Variants in EBF2 observed in about 807,000 individuals in gnomAD.
EBF2 encodes EBF transcription factor 2.
EBF2 carries 21 observed loss-of-function variants against 72.8 expected under a neutral mutation model. The ratio of observed to expected loss-of-function variants is 0.29; its 90% CI spans 0.20 to 0.42. The LOEUF (loss-of-function observed/expected upper bound fraction) is 0.42, where lower values mean the gene tolerates loss of function less well. Ranked by LOEUF, EBF2 falls within the 10% of genes least tolerant of loss-of-function variation. The probability of loss-of-function intolerance (pLI) is 1.00; values close to 1 mark genes in which losing one functional copy is unlikely to be tolerated. For missense variants in EBF2, 637 were observed against 731.2 expected (o/e 0.87, Z 1.49); for synonymous variants, 299 against 274.2 (o/e 1.09, Z -0.89).
chr8:25,856,250 CTTCA>C (rs1384478909), intron 14 of EBF2, among the ~76,000 whole-genome samples: 5 of 152,142 alleles, frequency 3.3e-5, no homozygotes, highest in African/African-American at 9.7e-5. Context: ...TATGATTCAA[CTTCA>C]TTCATACCTA....
intron 6 of EBF2, among the ~76,000 whole-genome samples, chr8:25,976,335 G>C (rs559360105): frequency 3.1e-4 from 47 of 152,230 alleles, no homozygotes; most frequent in African/African-American, 1.0e-3. Flanking sequence ...TCCAATAGAT[G>C]GTTATTAAGC....
chr8:25,990,312 A>G (rs770440727), intron 6 of EBF2, among the ~76,000 whole-genome samples: 12 of 152,178 alleles, frequency 7.9e-5, no homozygotes, highest in Non-Finnish European at 1.5e-4. Flanking sequence ...TTACATAATA[A>G]TAAGAAAGGT....
intron 10 of EBF2, among the ~76,000 whole-genome samples, chr8:25,866,260 T>C (rs1802312853): frequency 6.6e-6 from 1 of 151,692 alleles, no homozygotes; most frequent in Middle Eastern, 3.4e-3. Flanking sequence ...TTGGATATTC[T>C]TGTTTTTCTC....
At chr8:25,923,102 G>C (rs1803332374) in intron 6 of EBF2, among the ~76,000 whole-genome samples, 1 of 152,198 alleles carries the variant, frequency 6.6e-6, no homozygotes, top group African/African-American at 2.4e-5. Flanking sequence ...GGGTCCGGAA[G>C]CATGGGAAAG....
chr8:25,913,561 C>G (rs924106586), intron 6 of EBF2, among the ~76,000 whole-genome samples: 2 of 152,168 alleles, frequency 1.3e-5, no homozygotes, highest in Admixed American at 6.5e-5. Context: ...ACTCTGAAAA[C>G]TTAGTTCCTT....
intron 6 of EBF2, among the ~76,000 whole-genome samples, chr8:25,949,305 T>A (rs1803819885): frequency 6.6e-6 from 1 of 152,218 alleles, no homozygotes; most frequent in African/African-American, 2.4e-5. Context: ...CGTCATGCTG[T>A]CTTCCCCTTT....
chr8:25,993,108 C>T (rs928871548), intron 6 of EBF2, among the ~76,000 whole-genome samples: 1 of 151,946 alleles, frequency 6.6e-6, no homozygotes, highest in Admixed American at 6.6e-5. Context: ...GTGGAAAATC[C>T]ACTCCCCTGA....
intron 6 of EBF2, among the ~76,000 whole-genome samples, chr8:25,966,109 G>A (rs562147929): frequency 7.3e-4 from 111 of 152,340 alleles, no homozygotes; most frequent in African/African-American, 2.6e-3. Context: ...CCAACTGCAG[G>A]CCAGGCTGGC....
intron 11 of EBF2, 151 bp from the exon 12 acceptor site, chr8:25,861,525 A>G: frequency 1.4e-6 from 1 of 734,340 alleles, no homozygotes; most frequent in Non-Finnish European, 2.3e-6. Flanking sequence ...GACAGGTAGA[A>G]TACAATTGTA....
Position 26,045,016 on chromosome 8 carries a change from CCG to C in EBF2, c.-159_-158del. 1 of 787,666 alleles carries C rather than the reference CCG, an allele frequency of 1.3e-6. No homozygotes were observed. Among genetic ancestry groups the C allele is most frequent in the Non-Finnish European group, 1.9e-6 (1 of 514,770 alleles). The allele number at this position is 787,666 out of a possible 1,614,324, so 48.8% of individuals were successfully genotyped here. A position where few individuals can be genotyped will look rare whatever the true frequency, so the allele number is the denominator to read the frequency against. On this transcript the variant is annotated 5_prime_UTR_variant, in exon 1 of 16. Coordinates refer to ENST00000520164, the MANE Select transcript of EBF2 (RefSeq NM_022659.4). ...GTCTTAGAAAAAAAAAAAAGATAAC[CCG>C]TCCTTTGCTTCACTGGCGAGGTGCG...
intron 6 of EBF2, among the ~76,000 whole-genome samples, chr8:25,952,028 C>T (rs2096564380): frequency 6.6e-6 from 1 of 152,180 alleles, no homozygotes; most frequent in Non-Finnish European, 1.5e-5. Context: ...TACACTGGCT[C>T]ACACCTGTAA....
chr8:26,003,057 G>A (rs748708834), intron 6 of EBF2, among the ~76,000 whole-genome samples: 4 of 152,050 alleles, frequency 2.6e-5, no homozygotes, highest in African/African-American at 9.7e-5. Flanking sequence ...GGATCCCAAG[G>A]AACACAGGAA....
chr8:26,007,307 C>A (rs939773458), intron 6 of EBF2, among the ~76,000 whole-genome samples: 1 of 152,090 alleles, frequency 6.6e-6, no homozygotes, highest in Non-Finnish European at 1.5e-5. Context: ...CTTGAGGGGG[C>A]CCCTGAACAC....
At chr8:26,022,101 T>C (rs1004095366) in intron 6 of EBF2, among the ~76,000 whole-genome samples, 1 of 152,236 alleles carries the variant, frequency 6.6e-6, no homozygotes, top group South Asian at 2.1e-4. Context: ...TTCAGTACAG[T>C]TAGAAGCCTT....
At chr8:25,981,055 A>G (rs917686874) in intron 6 of EBF2, among the ~76,000 whole-genome samples, 1 of 152,040 alleles carries the variant, frequency 6.6e-6, no homozygotes, top group Non-Finnish European at 1.5e-5. Context: ...AAACTTGAAG[A>G]ACATCTCGTT....
intron 15 of EBF2, among the ~76,000 whole-genome samples, chr8:25,845,186 C>T (rs1253784034): frequency 6.6e-6 from 1 of 152,020 alleles, no homozygotes; most frequent in East Asian, 1.9e-4. Flanking sequence ...ATGCTCATTG[C>T]AAATGAACAC....
At chr8:25,936,412 G>A (rs187220224) in intron 6 of EBF2, among the ~76,000 whole-genome samples, 3 of 152,270 alleles carry the variant, frequency 2.0e-5, no homozygotes, top group Non-Finnish European at 4.4e-5. Flanking sequence ...TGTTCCCTTA[G>A]TGACTGCTAA....
At chr8:25,874,307 T>C (rs1802485237) in intron 10 of EBF2, among the ~76,000 whole-genome samples, 1 of 152,086 alleles carries the variant, frequency 6.6e-6, no homozygotes, top group Admixed American at 6.6e-5. Flanking sequence ...AGGGTATGAT[T>C]TGGGGGTGTG....
At chr8:26,028,218 A>T (rs1240253478) in intron 6 of EBF2, among the ~76,000 whole-genome samples, 1 of 152,220 alleles carries the variant, frequency 6.6e-6, no homozygotes, top group Admixed American at 6.5e-5. Context: ...ATCTTTTTGA[A>T]TAAACCTTTT....
Sources: allele counts gnomAD v4.1 joint callset (sites outside exome capture counted in the v4.1 genomes callset), GRCh38; gene constraint gnomAD v4.1.1; transcripts MANE v1.5; gene names NCBI Gene and HGNC (gene_info 2026-07-23, HGNC 2026-07-21).